CNNM3: variants seen among roughly 807,000 people sequenced by gnomAD.
CNNM3 encodes the protein metal transporter CNNM3.
Under a neutral mutation model 57.1 loss-of-function variants are expected in CNNM3, and 47 were observed. The observed-to-expected ratio is 0.82, with a 90% CI of 0.65 to 1.05. The LOEUF is 1.05. CNNM3 is among the 50% of genes least tolerant of loss of function. The pLI is 0.00. For synonymous variants in CNNM3, 507 were observed against 478.2 expected, an observed-to-expected ratio of 1.06 and a Z score of -0.79; for missense variants, 957 against 973.7, an observed-to-expected ratio of 0.98 and a Z score of 0.23.
chr2:96,819,551 G>A (rs895203135), intron 1 of CNNM3, among the ~76,000 whole-genome samples: 46 of 152,170 alleles, frequency 3.0e-4, no homozygotes, highest in Admixed American at 2.4e-3. Context: ...AGGAGCAAGG[G>A]GTGAATCTGG....
rs1271467468 is a variant in CNNM3 at position 96,817,465 on chromosome 2, C to T, written c.1188C>T (p.Asp396=). Residue 396 remains aspartate, a synonymous_variant, in exon 1 of 8, where the codon GAC becomes GAT. Coordinates refer to ENST00000305510, the MANE Select transcript of CNNM3 (RefSeq NM_017623.5). ...ATCCGCTCCACTTCGTCTTCAACGA[C>T]ACCAAGCTGGACGCTGTCCTGGAGG... ...YNHPLHFVFN[D]TKLDAVLEEF... 3 of 1,613,828 alleles carry T rather than the reference C, an allele frequency of 1.9e-6. No individual in the cohort carries two copies. Among genetic ancestry groups the T allele is most frequent in the South Asian group, 1.1e-5 (1 of 91,080 alleles).
At position 96,817,096 on chromosome 2, in the gene CNNM3, G is replaced by A. The variant is rs1441639011; in HGVS notation, c.819G>A (p.Val273=). The change falls in exon 1 of 8, where the codon GTG becomes GTA. Residue 273 remains valine (V), a synonymous_variant. Transcript: ENST00000305510. ...VLLTLPVALP[V]GQLLELAARP... is the part of the protein sequence containing the mutation. Reference sequence around the variant, plus strand: ...TCACTCTGCCCGTCGCGCTGCCCGTGGGGCAGCTGCTGGAGCTGGCGGCGC... The same window carrying A: ...TCACTCTGCCCGTCGCGCTGCCCGTAGGGCAGCTGCTGGAGCTGGCGGCGC... 3 of 1,341,960 alleles carry A rather than the reference G, an allele frequency of 2.2e-6. No homozygotes were observed. The highest frequency in any genetic ancestry group is 4.0e-5 in the Admixed American group (1 of 24,792). 83.1% of individuals were successfully genotyped at this position (1,341,960 alleles called of 1,614,324 possible). A position where few individuals can be genotyped will look rare whatever the true frequency, so the allele number is the denominator to read the frequency against.
At chr2:96,826,705 G>T (rs907893788) in intron 2 of CNNM3, 128 bp from the exon 3 acceptor site, 23 of 1,098,500 alleles carry the variant, frequency 2.1e-5, no homozygotes, top group Admixed American at 4.0e-5. Flanking sequence ...TGTCCCTGGC[G>T]TTCCGATGCT....
At position 96,835,100 on chromosome 2, in the gene CNNM3, C is replaced by T. The variant is rs1427750973; in HGVS notation, c.*2484C>T. Among the ~76,000 whole-genome samples, 3 of 152,214 alleles carry T rather than the reference C, an allele frequency of 2.0e-5. No individual in the cohort carries two copies. The highest frequency in any genetic ancestry group is 2.0e-4 in the Admixed American group (3 of 15,282). On this transcript the variant is annotated 3_prime_UTR_variant, in exon 8 of 8. Coordinates refer to ENST00000305510, the MANE Select transcript of CNNM3 (RefSeq NM_017623.5). ...CCCATCCCCACAAGGATCTCCCTCC[C>T]CACCTTCCCTAACTCCTGGTAACCA...
In CNNM3 at chr2:96,817,112, C is replaced by G. The variant is rs926452477; in HGVS notation, c.835C>G (p.Leu279Val). 86 of 1,341,422 alleles carry G rather than the reference C, an allele frequency of 6.4e-5. No homozygotes were observed. Among genetic ancestry groups the G allele is most frequent in the Non-Finnish European group, 7.9e-5 (84 of 1,056,712 alleles). 83.1% of individuals were successfully genotyped at this position (1,341,422 alleles called of 1,614,324 possible). Reference sequence around the variant, plus strand: ...GCTGCCCGTGGGGCAGCTGCTGGAGCTGGCGGCGCGGCCCGGGCGGCTGCG... The same window carrying G: ...GCTGCCCGTGGGGCAGCTGCTGGAGGTGGCGGCGCGGCCCGGGCGGCTGCG... ...VALPVGQLLE[L>V]AARPGRLRER... The change falls in exon 1 of 8, where the codon CTG becomes GTG. Residue 279 changes from leucine to valine, a missense_variant. Leu to Val is a conservative substitution (Grantham distance 32). Coordinates refer to ENST00000305510, the MANE Select transcript of CNNM3 (RefSeq NM_017623.5).
At chr2:96,828,031 C>T in intron 4 of CNNM3, 68 bp from the exon 5 acceptor site, 1 of 1,574,284 alleles carries the variant, frequency 6.4e-7, no homozygotes, top group Non-Finnish European at 8.7e-7. Context: ...TGGGTTTCTC[C>T]TTCCGCTGTC....
At position 96,817,088 on chromosome 2, in the gene CNNM3, C is replaced by G; in HGVS notation, c.811C>G (p.Leu271Val). 7.4e-7 allele frequency: 1 copy of G among 1,346,898 alleles called. No individual in the cohort carries two copies. Among genetic ancestry groups the G allele is most frequent in the Non-Finnish European group, 9.5e-7 (1 of 1,057,246 alleles). The allele number at this position is 1,346,898 out of a possible 1,614,324, so 83.4% of individuals were successfully genotyped here. A position where few individuals can be genotyped will look rare whatever the true frequency, so the allele number is the denominator to read the frequency against. Residue 271 changes from leucine (L) to valine (V), a missense_variant, in exon 1 of 8, where the codon CTG (leucine) becomes GTG (valine). Physicochemically the swap from Leu to Val is conservative, Grantham distance 32. Around this residue, in one of 2 missense-constraint regions of CNNM3, gnomAD observed 466 missense variants for 403.1 expected, o/e 1.16. Transcript: ENST00000305510. ...LAVLLTLPVA[L>V]PVGQLLELAA... Reference sequence around the variant, plus strand: ...CGTCCTGCTCACTCTGCCCGTCGCGCTGCCCGTGGGGCAGCTGCTGGAGCT... The same window carrying G: ...CGTCCTGCTCACTCTGCCCGTCGCGGTGCCCGTGGGGCAGCTGCTGGAGCT...
chr2:96,827,905 C>T lies in CNNM3; in HGVS notation c.1689+5C>T, dbSNP rs1410738623. 6.2e-7 allele frequency: 1 copy of T among 1,609,320 alleles called. No individual in the cohort carries two copies. Among genetic ancestry groups the T allele is most frequent in the Admixed American group, 1.7e-5 (1 of 59,876 alleles). Reference sequence around the variant, plus strand: ...TACTTCATTCTCATCCTGCAGGTAGCTGTGGGTCCCAGGCCTGGAGTCCCT... The same window carrying T: ...TACTTCATTCTCATCCTGCAGGTAGTTGTGGGTCCCAGGCCTGGAGTCCCT... On this transcript the variant is annotated splice_donor_5th_base_variant and intron_variant, in intron 4 of 7. Transcript: ENST00000305510.
Position 96,827,720 on chromosome 2 carries a change from A to AC in CNNM3, c.1520-9dup. ...CCAGTGGACACTGTCCCTTTTTTCC[A>AC]CCACGTGCAGAAGTGGATGTATTCA... On this transcript the variant is annotated splice_polypyrimidine_tract_variant and intron_variant, in intron 3 of 7. Transcript: ENST00000305510. 1 of 1,605,210 alleles carries AC rather than the reference A, an allele frequency of 6.2e-7. No homozygotes were observed.
At chr2:96,821,923 A>G (rs1251758426) in intron 1 of CNNM3, among the ~76,000 whole-genome samples, 1 of 150,990 alleles carries the variant, frequency 6.6e-6, no homozygotes, top group Admixed American at 6.6e-5. Flanking sequence ...CTTTTGAACC[A>G]TCAAATTTGA....
At chr2:96,829,297 T>C in intron 7 of CNNM3, 163 bp downstream of exon 7, 3 of 298,080 alleles carry the variant, frequency 1.0e-5, no homozygotes, top group East Asian at 2.0e-4. Context: ...ATATAAATAA[T>C]TTTTTTTTTT....
downstream of CNNM3, chr2:96,837,158 TCTCA>T (rs374564290): frequency 2.6e-5 from 4 of 152,256 alleles, no homozygotes; most frequent in African/African-American, 7.2e-5. Flanking sequence ...TGATTCCTCC[TCTCA>T]CTCTATTCTT....
Position 96,817,037 on chromosome 2 carries a change from C to G in CNNM3, c.760C>G (p.Arg254Gly), listed in dbSNP as rs1442572287. 7.3e-7 allele frequency: 1 copy of G among 1,369,464 alleles called. No homozygotes were observed. Among genetic ancestry groups the G allele is most frequent in the Non-Finnish European group, 9.4e-7 (1 of 1,058,642 alleles). The allele number at this position is 1,369,464 out of a possible 1,614,324, so 84.8% of individuals were successfully genotyped here. A position where few individuals can be genotyped will look rare whatever the true frequency, so the allele number is the denominator to read the frequency against. The change falls in exon 1 of 8, where the codon CGA becomes GGA. Residue 254 changes from arginine (R) to glycine (G), a missense_variant. Coordinates refer to ENST00000305510, the MANE Select transcript of CNNM3 (RefSeq NM_017623.5). ...SGRWTLALAP[R>G]ALGLSRLAVL... ...GCGCTGGACGCTGGCGCTGGCGCCG[C>G]GAGCGCTCGGCCTCAGCCGCCTGGC... is the stretch of plus-strand genomic sequence containing the variant.
At chr2:96,829,416 T>G (rs1219036086) in intron 7 of CNNM3, 1 of 194,040 alleles carries the variant, frequency 5.2e-6, no homozygotes, top group Non-Finnish European at 9.4e-6. Flanking sequence ...TTCTCCTGTC[T>G]CAGACTCCTG....
rs955294115 is a variant in CNNM3, at chr2:96,822,425, C to A, written c.1226-2633C>A. 5.1e-4 allele frequency among the ~76,000 whole-genome samples: 77 copies of A among 152,234 alleles called. 1 individual carries two copies. Among genetic ancestry groups the A allele is most frequent in the African/African-American group, 1.8e-3 (73 of 41,546 alleles). On this transcript the variant is annotated intron_variant, in intron 1 of 7. Transcript: ENST00000305510. Reference sequence around the variant, plus strand: ...CTGGGCTCAAGTGATCCTTCCACTTCAGCCTCCTGAGTAAGCTGGGGCCAC... The same window carrying A: ...CTGGGCTCAAGTGATCCTTCCACTTAAGCCTCCTGAGTAAGCTGGGGCCAC...
At chr2:96,825,281 G>T (rs2079481628) in intron 2 of CNNM3, 80 bp downstream of exon 2, 10 of 1,536,484 alleles carry the variant, frequency 6.5e-6, no homozygotes, top group Non-Finnish European at 8.0e-6. Context: ...GAGGCCAGTG[G>T]GCCTCTGTGC....
At chr2:96,830,077 G>A (rs2153356265) in intron 7 of CNNM3, among the ~76,000 whole-genome samples, 1 of 152,360 alleles carries the variant, frequency 6.6e-6, no homozygotes, top group African/African-American at 2.4e-5. Context: ...AGTCTGAAGT[G>A]TAGGCTGTGG....
intron 1 of CNNM3, among the ~76,000 whole-genome samples, chr2:96,820,923 C>T (rs1201251919): frequency 6.6e-6 from 1 of 152,182 alleles, no homozygotes; most frequent in Non-Finnish European, 1.5e-5. Context: ...GTCCGGGCTG[C>T]TCCTGTTCTG....
Position 96,817,230 on chromosome 2 carries a change from T to G in CNNM3, c.953T>G (p.Leu318Arg), listed in dbSNP as rs202012890. 24 of 1,604,894 alleles carry G rather than the reference T, an allele frequency of 1.5e-5. No individual in the cohort carries two copies. The highest frequency in any genetic ancestry group is 2.0e-5 in the Non-Finnish European group (23 of 1,177,616). Residue 318 changes from leucine to arginine, a missense_variant, in exon 1 of 8, where the codon CTC (leucine) becomes CGC (arginine). Physicochemically the swap from Leu to Arg is moderately radical, Grantham distance 102. This residue lies in a region of CNNM3 where 491 missense variants were observed against 570.6 expected (regional missense o/e 0.86). Coordinates refer to ENST00000305510, the MANE Select transcript of CNNM3 (RefSeq NM_017623.5). ...VLRCRTVEDV[L>R]TPLEDCFMLD... ...CGCTGCCGGACCGTGGAGGACGTGC[T>G]CACGCCCCTCGAAGACTGCTTCATG...
Sources: gnomAD v4.1 joint callset for allele counts (sites outside exome capture counted in the v4.1 genomes callset) on GRCh38, gnomAD v4.1.1 for gene constraint, gnomAD v4.1.1 regional missense constraint, MANE v1.5 for transcripts, NCBI Gene and HGNC (gene_info 2026-07-23, HGNC 2026-07-21) for gene names.